The following SYN3 variants were observed in gnomAD, a reference collection of about 807,000 sequenced individuals.
SYN3 encodes the protein synapsin-3.
In SYN3, 35 loss-of-function variants were observed where a neutral mutation model predicts 65.8. That is an observed-to-expected ratio of 0.53 (90% CI 0.41 to 0.70). The LOEUF is 0.70. Among genes scored for constraint, SYN3 ranks in the 30% least tolerant of loss-of-function variants. The probability of loss-of-function intolerance (pLI) is 0.00; values close to 1 mark genes in which losing one functional copy is unlikely to be tolerated. For missense variants in SYN3, 680 were observed against 749.0 expected (o/e 0.91, Z 1.08); for synonymous variants, 270 against 292.9 (o/e 0.92, Z 0.80).
At chr22:32,840,089 T>C (rs1793957568) in intron 6 of SYN3, among the ~76,000 whole-genome samples, 1 of 152,084 alleles carries the variant, frequency 6.6e-6, no homozygotes, top group Admixed American at 6.5e-5. Flanking sequence ...AACAGGAATC[T>C]CTGGGCAGGG....
In SYN3 at chr22:32,556,803, G is replaced by GTTTTTTTTTTTTT. The variant is rs1491135400; in HGVS notation, c.775-15091_775-15090insAAAAAAAAAAAAA. On this transcript the variant is annotated intron_variant, in intron 7 of 13. Coordinates refer to ENST00000358763, the MANE Select transcript of SYN3 (RefSeq NM_003490.4). ...CAATGACCCAATCTATAGGTTTCCTGGTTTTTTTTTTTTTTTTTTTTTTTT... is the reference window on the plus strand; with the variant it reads ...CAATGACCCAATCTATAGGTTTCCTGTTTTTTTTTTTTTGTTTTTTTTTTTTTTTTTTTTTTTT... Among the ~76,000 whole-genome samples the GTTTTTTTTTTTTT allele has an allele frequency of 3.5e-3, 125 of 35,256 alleles. 45 individuals carry two copies. Among genetic ancestry groups the GTTTTTTTTTTTTT allele is most frequent in the Non-Finnish European group, 5.3e-3 (95 of 17,876 alleles). 23.1% of individuals were successfully genotyped at this position (35,256 alleles called of 152,430 possible).
At chr22:32,895,004 T>C (rs544386650) in intron 4 of SYN3, among the ~76,000 whole-genome samples, 2 of 152,300 alleles carry the variant, frequency 1.3e-5, no homozygotes, top group Admixed American at 6.5e-5. Context: ...ATCGTTAGCA[T>C]GAAAATAGCG....
intron 7 of SYN3, among the ~76,000 whole-genome samples, chr22:32,591,767 C>T (rs1202768659): frequency 6.6e-6 from 1 of 152,182 alleles, no homozygotes; most frequent in Non-Finnish European, 1.5e-5. Flanking sequence ...GGTCCAGATA[C>T]ATTAAATGGA....
intron 7 of SYN3, among the ~76,000 whole-genome samples, chr22:32,564,184 A>G (rs1251621545): frequency 2.0e-5 from 3 of 152,174 alleles, no homozygotes; most frequent in Non-Finnish European, 2.9e-5. Flanking sequence ...GGACTCAATC[A>G]TGGAGTGGCT....
At chr22:32,534,904 G>T (rs5754134) in intron 9 of SYN3, among the ~76,000 whole-genome samples, 1 of 152,102 alleles carries the variant, frequency 6.6e-6, no homozygotes, top group Admixed American at 6.5e-5. Context: ...GGATTCCCTC[G>T]ATCTCCTTGA....
At chr22:32,824,709 G>GA (rs1466585614) in intron 6 of SYN3, among the ~76,000 whole-genome samples, 1 of 152,134 alleles carries the variant, frequency 6.6e-6, no homozygotes, top group Non-Finnish European at 1.5e-5. Flanking sequence ...CCCTTCATAG[G>GA]AAACATTTGG....
intron 3 of SYN3, among the ~76,000 whole-genome samples, chr22:32,973,789 C>G (rs564797776): frequency 6.6e-6 from 1 of 152,166 alleles, no homozygotes; most frequent in Admixed American, 6.6e-5. Context: ...GGACAAAGTA[C>G]CCATCTTTTG....
chr22:32,642,384 C>G (rs2059913223), intron 6 of SYN3, among the ~76,000 whole-genome samples: 1 of 151,998 alleles, frequency 6.6e-6, no homozygotes, highest in African/African-American at 2.4e-5. Context: ...AGGACTTAAG[C>G]CACACTCAGT....
At chr22:32,941,168 T>C (rs2050926366) in intron 3 of SYN3, among the ~76,000 whole-genome samples, 1 of 152,196 alleles carries the variant, frequency 6.6e-6, no homozygotes, top group South Asian at 2.1e-4. Context: ...AACAGCTTGT[T>C]AGTATGGTCA....
At chr22:32,986,988 T>C (rs241712) in intron 2 of SYN3, among the ~76,000 whole-genome samples, 95,669 of 151,940 alleles carry the variant, frequency 0.63, 30,497 homozygotes, top group East Asian at 0.78. Flanking sequence ...GGAATGGGTA[T>C]GGGGCTCTTT....
At chr22:32,628,508 G>T (rs769575819) in intron 6 of SYN3, among the ~76,000 whole-genome samples, 8 of 152,094 alleles carry the variant, frequency 5.3e-5, no homozygotes, top group African/African-American at 1.9e-4. Flanking sequence ...CAAAGAGGCT[G>T]GGCCAGAGAG....
At chr22:32,914,141 T>A (rs917637055) in intron 4 of SYN3, among the ~76,000 whole-genome samples, 1 of 152,160 alleles carries the variant, frequency 6.6e-6, no homozygotes. Flanking sequence ...CCAATGTAAG[T>A]GACAGCGCTG....
intron 6 of SYN3, among the ~76,000 whole-genome samples, chr22:32,798,150 CA>C: frequency 6.6e-6 from 1 of 152,212 alleles, no homozygotes; most frequent in East Asian, 1.9e-4. Flanking sequence ...GTCAGGAGGA[CA>C]AACCTGTATT....
At chr22:32,666,771 T>C (rs988647428) in intron 6 of SYN3, among the ~76,000 whole-genome samples, 1 of 152,238 alleles carries the variant, frequency 6.6e-6, no homozygotes, top group Non-Finnish European at 1.5e-5. Context: ...TGTTGGAATG[T>C]AATTGCTTAT....
chr22:32,799,986 G>T (rs2046524988), intron 6 of SYN3, among the ~76,000 whole-genome samples: 1 of 152,232 alleles, frequency 6.6e-6, no homozygotes, highest in Non-Finnish European at 1.5e-5. Context: ...AGTGAAGGCA[G>T]GGAAGGTTTT....
At chr22:32,743,841 C>A (rs777020708) in intron 6 of SYN3, among the ~76,000 whole-genome samples, 3 of 152,064 alleles carry the variant, frequency 2.0e-5, no homozygotes, top group Non-Finnish European at 4.4e-5. Context: ...CTTTTGGGGG[C>A]CTCTTTTTCA....
chr22:32,769,697 A>G (rs2045719766), intron 6 of SYN3, among the ~76,000 whole-genome samples: 1 of 152,078 alleles, frequency 6.6e-6, no homozygotes, highest in Non-Finnish European at 1.5e-5. Context: ...TTGTATTTTT[A>G]GTAGAGATGG....
intron 6 of SYN3, among the ~76,000 whole-genome samples, chr22:32,685,545 A>C (rs78564160): frequency 0.028 from 4,258 of 152,280 alleles, 208 homozygotes; most frequent in African/African-American, 0.096. Flanking sequence ...ACAAATACCA[A>C]TGTGGTACCA....
intron 6 of SYN3, among the ~76,000 whole-genome samples, chr22:32,736,523 T>C (rs2061338372): frequency 6.6e-6 from 1 of 152,214 alleles, no homozygotes; most frequent in Non-Finnish European, 1.5e-5. Context: ...GTTAATGCTT[T>C]GTATAATTTT....
Sources: gnomAD v4.1 joint callset for allele counts (sites outside exome capture counted in the v4.1 genomes callset) on GRCh38, gnomAD v4.1.1 for gene constraint, MANE v1.5 for transcripts, NCBI Gene and HGNC (gene_info 2026-07-23, HGNC 2026-07-21) for gene names.